Variants in NAV2 observed in about 807,000 individuals in gnomAD.
NAV2 encodes the protein neuron navigator 2.
Under a neutral mutation model 223.2 loss-of-function variants are expected in NAV2, and 54 were observed. That is an observed-to-expected ratio of 0.24 (90% CI 0.19 to 0.30). The LOEUF (loss-of-function observed/expected upper bound fraction) is 0.30, where lower values mean the gene tolerates loss of function less well. NAV2 is among the 10% of genes least tolerant of loss of function. NAV2 has a pLI of 1.00. For synonymous variants in NAV2, 1,279 were observed against 1,239.3 expected (o/e 1.03, Z -0.67); for missense variants, 2,806 against 3,147.5 (o/e 0.89, Z 2.60).
At chr11:19,561,557 A>G (rs949142667) in intron 1 of NAV2, among the ~76,000 whole-genome samples, 1 of 152,192 alleles carries the variant, frequency 6.6e-6, no homozygotes, top group African/African-American at 2.4e-5. Context: ...TTGTGTAAGC[A>G]CCTATTATTA....
intron 4 of NAV2, among the ~76,000 whole-genome samples, chr11:19,877,467 A>ATTCTTTTTTTTTTCTTTCTTTTTTCTT (rs2062909148): frequency 5.3e-5 from 4 of 75,838 alleles, no homozygotes; most frequent in East Asian, 4.1e-4. Context: ...GCTTATCTTC[A>ATTCTTTTTTTTTTCTTTCTTTTTTCTT]TTCTTTTTTT....
chr11:19,527,967 C>CACACACAT (rs1398389611), intron 1 of NAV2, among the ~76,000 whole-genome samples: 1 of 145,596 alleles, frequency 6.9e-6, no homozygotes, highest in Admixed American at 6.9e-5. Flanking sequence ...CACACACACA[C>CACACACAT]ACACAATCCT....
At chr11:19,477,102 G>A (rs2729883) in intron 1 of NAV2, among the ~76,000 whole-genome samples, 3 of 152,022 alleles carry the variant, frequency 2.0e-5, no homozygotes, top group South Asian at 2.1e-4. Context: ...TGGGTCAAGC[G>A]AAATGATTTT....
chr11:19,350,966 C>T (rs1853272773), exon 1 of NAV2: 19 of 1,551,590 alleles, frequency 1.2e-5, no homozygotes, highest in Non-Finnish European at 1.6e-5. Context: ...GAATCGGTTT[C>T]TGAGTCCAGC....
At chr11:19,878,163 G>A (rs1434590209) in intron 4 of NAV2, among the ~76,000 whole-genome samples, 1 of 152,150 alleles carries the variant, frequency 6.6e-6, no homozygotes, top group African/African-American at 2.4e-5. Flanking sequence ...ATCAACTGTG[G>A]TCCTGGTATA....
At chr11:19,962,468 T>C (rs1044189623) in intron 10 of NAV2, among the ~76,000 whole-genome samples, 1 of 152,086 alleles carries the variant, frequency 6.6e-6, no homozygotes, top group Non-Finnish European at 1.5e-5. Context: ...GAGTGAATCA[T>C]GTAAGGGAGG....
At chr11:19,999,815 G>T (rs1358302472) in intron 11 of NAV2, among the ~76,000 whole-genome samples, 2 of 152,226 alleles carry the variant, frequency 1.3e-5, no homozygotes, top group Admixed American at 6.5e-5. Context: ...CAGGCACAAG[G>T]TTAGCACAGT....
chr11:19,412,764 G>A (rs1347846070), intron 1 of NAV2, among the ~76,000 whole-genome samples: 2 of 152,198 alleles, frequency 1.3e-5, no homozygotes, highest in Admixed American at 1.3e-4. Flanking sequence ...AGCCTCTGCT[G>A]GTGATACCCT....
chr11:20,048,983 C>G lies in NAV2; in HGVS notation c.4158C>G (p.Thr1386=), dbSNP rs763160014. 1 of 1,614,178 alleles carries G rather than the reference C, an allele frequency of 6.2e-7. No homozygotes were observed. Among genetic ancestry groups the G allele is most frequent in the South Asian group, 1.1e-5 (1 of 91,082 alleles). The change falls in exon 15 of 38, where the codon ACC becomes ACG. Residue 1386 remains threonine (T), a synonymous_variant. Coordinates refer to ENST00000349880, the MANE Select transcript of NAV2 (RefSeq NM_145117.5). ...SAPSNSLTWG[T]NASSSSAVSK... is the part of the protein sequence containing the mutation. The stretch of plus-strand genomic sequence containing the variant: ...CTTCCAACAGCCTCACCTGGGGCAC[C>G]AACGCCAGCAGCTCCTCCGCAGTTA...
intron 1 of NAV2, among the ~76,000 whole-genome samples, chr11:19,618,784 T>C (rs1039582847): frequency 5.3e-5 from 8 of 151,480 alleles, no homozygotes; most frequent in African/African-American, 7.3e-5. Context: ...GAAGGAAAGA[T>C]TGGGGAGGGG....
intron 1 of NAV2, among the ~76,000 whole-genome samples, chr11:19,752,320 A>T (rs1590311173): frequency 6.6e-6 from 1 of 152,210 alleles, no homozygotes; most frequent in African/African-American, 2.4e-5. Flanking sequence ...GGAGGGCCAC[A>T]CTGATGTTGT....
intron 1 of NAV2, among the ~76,000 whole-genome samples, chr11:19,437,553 A>C (rs557312855): frequency 6.6e-6 from 1 of 152,270 alleles, no homozygotes; most frequent in South Asian, 2.1e-4. Context: ...TGGGGACAAT[A>C]GTCTTTTATA....
rs374769800 is a variant in NAV2 at position 20,023,699 on chromosome 11, G to GGTGTGTGTGTGTGTGT, written c.2769-12239_2769-12224dup. Reference sequence around the variant, plus strand: ...GTTGTGTTTATACAGCAAATTGCTGGGTGTGTGTGTGTGTGTGTGTGTGTG... The same window carrying GGTGTGTGTGTGTGTGT: ...GTTGTGTTTATACAGCAAATTGCTGGGTGTGTGTGTGTGTGTGTGTGTGTGTGTGTGTGTGTGTGTG... On this transcript the variant is annotated intron_variant, in intron 11 of 37. Coordinates refer to ENST00000349880, the MANE Select transcript of NAV2 (RefSeq NM_145117.5). Among the ~76,000 whole-genome samples, 445 of 144,662 alleles carry GGTGTGTGTGTGTGTGT rather than the reference G, an allele frequency of 3.1e-3. 3 individuals carry two copies. The highest frequency in any genetic ancestry group is 9.2e-3 in the African/African-American group (358 of 38,746). 94.9% of individuals were successfully genotyped at this position (144,662 alleles called of 152,430 possible). A position where few individuals can be genotyped will look rare whatever the true frequency, so the allele number is the denominator to read the frequency against.
In NAV2 at chr11:19,654,446, C is replaced by A. The variant is rs1292550029; in HGVS notation, c.76-178038C>A. On this transcript the variant is annotated intron_variant, in intron 1 of 37. Coordinates refer to the NAV2 transcript ENST00000360655. ...CCCACATTGCCAAGTCAATCATAGG[C>A]CAAAAGAACAAAGCTGGAAGCATCA... is the stretch of plus-strand genomic sequence containing the variant. 2.0e-5 allele frequency among the ~76,000 whole-genome samples: 3 copies of A among 152,232 alleles called. No individual in the cohort carries two copies. The East Asian group carries it at 5.8e-4, about 29-fold the overall frequency.
At chr11:19,519,324 T>C (rs2043567722) in intron 1 of NAV2, among the ~76,000 whole-genome samples, 1 of 152,134 alleles carries the variant, frequency 6.6e-6, no homozygotes, top group Admixed American at 6.5e-5. Flanking sequence ...TCATGCAGCA[T>C]GGGCTCTCGT....
chr11:19,496,020 G>C (rs1463046057), intron 1 of NAV2, among the ~76,000 whole-genome samples: 2 of 152,160 alleles, frequency 1.3e-5, no homozygotes, highest in African/African-American at 4.8e-5. Flanking sequence ...ATACAGCTGA[G>C]ACCCAAAGAG....
intron 1 of NAV2, among the ~76,000 whole-genome samples, chr11:19,437,392 A>G (rs183720692): frequency 2.6e-5 from 4 of 152,088 alleles, no homozygotes; most frequent in Non-Finnish European, 5.9e-5. Flanking sequence ...TATCAATCAG[A>G]TTAAACCTGT....
At chr11:19,514,890 C>T (rs56033919) in intron 1 of NAV2, among the ~76,000 whole-genome samples, 4,382 of 152,208 alleles carry the variant, frequency 0.029, 121 homozygotes, top group Non-Finnish European at 0.046. Flanking sequence ...GTTTTTGGGG[C>T]CTCTGAGCTG....
intron 1 of NAV2, chr11:19,503,970 T>A (rs965294573): frequency 6.6e-6 from 1 of 152,074 alleles, no homozygotes; most frequent in African/African-American, 2.4e-5. Context: ...AACTCAGCAA[T>A]AAGGAAACAA....
Sources: gnomAD v4.1 joint callset for allele counts (sites outside exome capture counted in the v4.1 genomes callset) on GRCh38, gnomAD v4.1.1 for gene constraint, MANE v1.5 for transcripts, NCBI Gene and HGNC (gene_info 2026-07-23, HGNC 2026-07-21) for gene names.